DIAPH2: variants seen among roughly 807,000 people sequenced by gnomAD.
The protein encoded by DIAPH2 is diaphanous related formin 2.
In DIAPH2, 35 loss-of-function variants were observed where a neutral mutation model predicts 92.7. The ratio of observed to expected loss-of-function variants is 0.38; its 90% CI spans 0.29 to 0.50. DIAPH2 has a LOEUF of 0.50. Among genes scored for constraint, DIAPH2 ranks in the 20% least tolerant of loss-of-function variants. DIAPH2 has a pLI of 0.94. For missense variants in DIAPH2, 701 were observed against 819.5 expected, an observed-to-expected ratio of 0.86 and a Z score of 1.77; for synonymous variants, 301 against 280.4, an observed-to-expected ratio of 1.07 and a Z score of -0.73.
intron 3 of DIAPH2, among the ~76,000 whole-genome samples, chrX:96,746,178 G>A (rs1292068048): frequency 8.9e-6 from 1 of 111,764 alleles, no homozygotes; most frequent in Non-Finnish European, 1.9e-5. Flanking sequence ...GGGATTATAG[G>A]TATGAGCCAC....
intron 22 of DIAPH2, among the ~76,000 whole-genome samples, chrX:97,234,779 C>G (rs1462078270): frequency 8.9e-6 from 1 of 111,733 alleles, no homozygotes; most frequent in Non-Finnish European, 1.9e-5. Flanking sequence ...ACAGGCCATA[C>G]GAAAACAGGC....
At chrX:97,458,380 A>T (rs1354534356) in intron 26 of DIAPH2, among the ~76,000 whole-genome samples, 1 of 105,778 alleles carries the variant, frequency 9.5e-6, no homozygotes. Context: ...TTAGGATTAC[A>T]GATGTGAGCC....
intron 8 of DIAPH2, among the ~76,000 whole-genome samples, chrX:96,917,265 C>T (rs763129841): frequency 3.6e-5 from 4 of 111,058 alleles, no homozygotes; most frequent in Non-Finnish European, 5.7e-5. Flanking sequence ...GAACACTTTG[C>T]GTGACAGTAA....
intron 4 of DIAPH2, chrX:96,763,134 A>T: frequency 1.0e-6 from 1 of 954,111 alleles, no homozygotes; most frequent in Non-Finnish European, 1.3e-6. Flanking sequence ...AGTACAAAAG[A>T]TGTGTTTTAC....
At chrX:96,983,762 A>G (rs2066013151) in intron 17 of DIAPH2, among the ~76,000 whole-genome samples, 1 of 111,642 alleles carries the variant, frequency 9.0e-6, no homozygotes, top group African/African-American at 3.3e-5. Flanking sequence ...ATTTTGTTCC[A>G]GTGATAGTCT....
chrX:96,788,607 A>G (rs1352196957), intron 4 of DIAPH2, among the ~76,000 whole-genome samples: 4 of 111,995 alleles, frequency 3.6e-5, no homozygotes, highest in Non-Finnish European at 7.5e-5. Flanking sequence ...TATAAGTCAG[A>G]GAAAATCGAA....
At chrX:97,479,745 AT>A (rs199976821) in intron 26 of DIAPH2, among the ~76,000 whole-genome samples, 1,125 of 106,785 alleles carry the variant, frequency 0.011, 39 homozygotes, top group East Asian at 0.1. Context: ...GTAGGAGCCA[AT>A]TTTTTTTTTT....
intron 26 of DIAPH2, among the ~76,000 whole-genome samples, chrX:97,433,992 T>G (rs1461909621): frequency 2.7e-5 from 3 of 111,692 alleles, no homozygotes; most frequent in African/African-American, 6.5e-5. Context: ...GAGCTGGAGT[T>G]AGGGATAGTG....
At chrX:97,006,114 T>G (rs1411559267) in intron 17 of DIAPH2, among the ~76,000 whole-genome samples, 2 of 111,422 alleles carry the variant, frequency 1.8e-5, no homozygotes, top group Admixed American at 9.5e-5. Flanking sequence ...TTGTATAGTT[T>G]CCAAAATTCC....
intron 4 of DIAPH2, among the ~76,000 whole-genome samples, chrX:96,814,735 G>A (rs2064717023): frequency 8.9e-6 from 1 of 112,115 alleles, no homozygotes; most frequent in African/African-American, 3.2e-5. Flanking sequence ...TTTTGTTGAT[G>A]TTGATGCTAT....
intron 1 of DIAPH2, among the ~76,000 whole-genome samples, chrX:96,703,390 A>G (rs1207982427): frequency 8.0e-5 from 9 of 112,113 alleles, no homozygotes; most frequent in Non-Finnish European, 1.5e-4. Flanking sequence ...ACCTTTTGGC[A>G]TGCTTTAATT....
chrX:97,165,542 G>A (rs1459575937), intron 22 of DIAPH2, among the ~76,000 whole-genome samples: 1 of 111,140 alleles, frequency 9.0e-6, no homozygotes, highest in Non-Finnish European at 1.9e-5. Context: ...CACCTAGGCT[G>A]GAGTGCAGTG....
intron 26 of DIAPH2, among the ~76,000 whole-genome samples, chrX:97,526,020 T>A (rs966661348): frequency 3.6e-5 from 4 of 112,206 alleles, no homozygotes; most frequent in Non-Finnish European, 5.6e-5. Context: ...AGTACATAAA[T>A]TTGACCTTGA....
rs760749406 is a variant in DIAPH2, at chrX:97,335,987, C to T, written c.2845-12129C>T. On this transcript the variant is annotated intron_variant, in intron 23 of 26. Coordinates refer to ENST00000324765, the MANE Select transcript of DIAPH2 (RefSeq NM_006729.5). ...CTCCTTCCTCACTCCCACTTAACTC[C>T]GTAGTCTCTAGTATTCTAGGCCTTT... 5.4e-5 allele frequency among the ~76,000 whole-genome samples: 6 copies of T among 111,144 alleles called. No homozygotes were observed. In the East Asian group the frequency reaches 1.7e-3, roughly 32 times the overall value.
intron 23 of DIAPH2, among the ~76,000 whole-genome samples, chrX:97,326,856 C>T (rs143977599): frequency 0.034 from 3,754 of 111,850 alleles, 64 homozygotes; most frequent in Admixed American, 0.045. Context: ...TGTGCTTTCA[C>T]ATAAGAAGTC....
intron 19 of DIAPH2, among the ~76,000 whole-genome samples, chrX:97,083,444 G>A (rs1024237790): frequency 3.6e-5 from 4 of 112,079 alleles, no homozygotes; most frequent in South Asian, 3.7e-4. Flanking sequence ...TGCTGAAAGC[G>A]TATGCTTAAA....
At chrX:97,230,172 T>C (rs936341370) in intron 22 of DIAPH2, among the ~76,000 whole-genome samples, 14 of 111,320 alleles carry the variant, frequency 1.3e-4, no homozygotes, top group African/African-American at 4.5e-4. Flanking sequence ...TTTCCATGTG[T>C]CAAGTAGTAA....
At chrX:97,311,838 GGGT>G (rs1478829426) in intron 23 of DIAPH2, among the ~76,000 whole-genome samples, 1 of 108,413 alleles carries the variant, frequency 9.2e-6, no homozygotes, top group Non-Finnish European at 1.9e-5. Flanking sequence ...TTTTTTTTTT[GGGT>G]GGGGGAGGAC....
intron 4 of DIAPH2, among the ~76,000 whole-genome samples, chrX:96,783,738 T>C (rs2064435634): frequency 8.9e-6 from 1 of 112,176 alleles, no homozygotes; most frequent in South Asian, 3.7e-4. Context: ...AAAAGTTCTC[T>C]CCCTTCCTCC....
Sources: gnomAD v4.1 joint callset for allele counts (sites outside exome capture counted in the v4.1 genomes callset) on GRCh38, gnomAD v4.1.1 for gene constraint, MANE v1.5 for transcripts, NCBI Gene and HGNC (gene_info 2026-07-23, HGNC 2026-07-21) for gene names.